ZNF469: variants seen among roughly 807,000 people sequenced by gnomAD.
ZNF469 encodes the protein zinc finger protein 469.
In ZNF469, 1 loss-of-function variant was observed where a neutral mutation model predicts 1.0. The ratio of observed to expected loss-of-function variants is 1.00; its 90% confidence interval spans 0.35 to 4.73. ZNF469 has a LOEUF of 4.73. Among genes scored for constraint, ZNF469 ranks in the 30% most tolerant of loss-of-function variants. The pLI is 0.16. For synonymous variants in ZNF469, 2,703 were observed against 2,363.4 expected (o/e 1.14, Z -4.17); for missense variants, 6,100 against 5,356.3 (o/e 1.14, Z -4.33).
rs576385042 is a variant in ZNF469, at chr16:88,404,821, G to A, written c.-191-19986G>A. Among the ~76,000 whole-genome samples the A allele has an allele frequency of 4.6e-5, 7 of 152,278 alleles. No individual in the cohort carries two copies. In the East Asian group the frequency reaches 5.8e-4, roughly 13 times the overall value. ...CGCACAGCAGACCCAGGACAAAATCGGCACCCAACTGGGTCACCCGTGAAT... is the reference window on the plus strand; with the variant it reads ...CGCACAGCAGACCCAGGACAAAATCAGCACCCAACTGGGTCACCCGTGAAT... On this transcript the variant is annotated intron_variant, in intron 1 of 2. Transcript: ENST00000565624.
the ZNF469 span, among the ~76,000 whole-genome samples, chr16:88,309,033 C>G: frequency 0.64 from 97,505 of 151,998 alleles, 31,354 homozygotes; most frequent in East Asian, 0.74. Flanking sequence ...TTTCCTCTCC[C>G]CTGCCCAGGG....
chr16:88,323,687 A>T, the ZNF469 span, among the ~76,000 whole-genome samples: 1 of 152,082 alleles, frequency 6.6e-6, no homozygotes, highest in Admixed American at 6.5e-5. Flanking sequence ...GCTGCCACTG[A>T]GTGGCAGAAG....
chr16:88,155,492 C>G, the ZNF469 span, among the ~76,000 whole-genome samples: 1 of 152,220 alleles, frequency 6.6e-6, no homozygotes, highest in Admixed American at 6.5e-5. Context: ...CAGCCTCTGG[C>G]AACCAGTCCT....
At chr16:88,210,464 C>T in the ZNF469 span, among the ~76,000 whole-genome samples, 116 of 152,230 alleles carry the variant, frequency 7.6e-4, 2 homozygotes, top group African/African-American at 1.6e-3. Flanking sequence ...GTTTTTATAC[C>T]GTCAAATATA....
chr16:88,292,690 G>A, the ZNF469 span, among the ~76,000 whole-genome samples: 3 of 150,114 alleles, frequency 2.0e-5, no homozygotes, highest in East Asian at 2.0e-4. Flanking sequence ...ATTGTGAAGC[G>A]CCTCCTGCTC....
the ZNF469 span, among the ~76,000 whole-genome samples, chr16:88,131,870 G>A: frequency 8.8e-3 from 1,338 of 152,094 alleles, no homozygotes; most frequent in African/African-American, 0.03. Flanking sequence ...CCCTCCTGGT[G>A]GGTGGCTTGG....
In ZNF469 at chr16:88,423,094, TGATGGATGGATG is replaced by T. The variant is rs1442256724; in HGVS notation, c.-191-1711_-191-1700del. Among the ~76,000 whole-genome samples the T allele has an allele frequency of 2.5e-5, 3 of 121,884 alleles. No homozygotes were observed. The East Asian group carries it at 8.3e-4, about 34-fold the overall frequency. The allele number at this position is 121,884 out of a possible 152,430, so 80.0% of individuals were successfully genotyped here. ...TGGGTAGATAGATGGATGATGATGA[TGATGGATGGATG>T]GGTGGATGGATGGATGGATGGATGG... On this transcript the variant is annotated intron_variant, in intron 1 of 2. Transcript: ENST00000565624.
the ZNF469 span, among the ~76,000 whole-genome samples, chr16:88,157,796 A>G: frequency 1.3e-5 from 2 of 151,660 alleles, no homozygotes; most frequent in Non-Finnish European, 2.9e-5. Flanking sequence ...CCTGTGTGTC[A>G]TTGTTATATG....
At chr16:88,101,909 C>T in the ZNF469 span, among the ~76,000 whole-genome samples, 1 of 152,136 alleles carries the variant, frequency 6.6e-6, no homozygotes, top group African/African-American at 2.4e-5. Context: ...GCTGGGAGGT[C>T]GGCCGCGGGT....
Position 88,438,752 on chromosome 16 carries a change from C to G in ZNF469, c.11282C>G (p.Thr3761Arg). 6.5e-7 allele frequency: 1 copy of G among 1,550,104 alleles called. No homozygotes were observed. Among genetic ancestry groups the G allele is most frequent in the Non-Finnish European group, 8.7e-7 (1 of 1,146,884 alleles). ...QPASGQLQSE[T>R]ATTPAKPSFP... ...GCCAGCGGGCAGCTCCAGAGCGAGA[C>G]AGCCACCACCCCAGCCAAGCCCAGC... The change falls in exon 3 of 3, where the codon ACA becomes AGA. Residue 3761 changes from threonine (T) to arginine (R), a missense_variant. By Grantham distance (71) the Thr-to-Arg change is moderately conservative. Transcript: ENST00000565624.
chr16:88,381,449 T>A (rs1470241173), upstream of ZNF469, among the ~76,000 whole-genome samples: 3 of 151,934 alleles, frequency 2.0e-5, no homozygotes, highest in East Asian at 3.9e-4. Context: ...GGTTTGGAAA[T>A]TGAAGTCTTT....
At chr16:88,234,473 C>T in the ZNF469 span, among the ~76,000 whole-genome samples, 7 of 152,222 alleles carry the variant, frequency 4.6e-5, no homozygotes, top group Non-Finnish European at 8.8e-5. Context: ...GAACCAGAGC[C>T]GGAGCTGGGC....
the ZNF469 span, among the ~76,000 whole-genome samples, chr16:88,119,125 G>A: frequency 2.0e-5 from 3 of 152,178 alleles, no homozygotes; most frequent in Non-Finnish European, 4.4e-5. Context: ...TGAAAATAAC[G>A]TTTGTCCAGT....
rs1436383681 is a variant in ZNF469 at position 88,437,353 on chromosome 16, G to A, written c.9883G>A (p.Ala3295Thr). ...AATPDSASAT[A>T]LADAGSPGPP... ...GACCCCAGACAGCGCCTCTGCCACC[G>A]CCCTGGCTGACGCCGGCAGCCCGGG... The change falls in exon 3 of 3, where the codon GCC becomes ACC. Residue 3295 changes from alanine (A) to threonine (T), a missense_variant. Transcript: ENST00000565624. 1 of 1,543,066 alleles carries A rather than the reference G, an allele frequency of 6.5e-7. No homozygotes were observed. Among genetic ancestry groups the A allele is most frequent in the Non-Finnish European group, 8.7e-7 (1 of 1,143,506 alleles).
chr16:88,168,039 C>T, the ZNF469 span, among the ~76,000 whole-genome samples: 2 of 152,250 alleles, frequency 1.3e-5, no homozygotes, highest in Admixed American at 6.5e-5. The surrounding 1 kb of genome is among the most constrained non-coding windows in gnomAD (Gnocchi z 4.3). Flanking sequence ...ACCCCATGGG[C>T]GTTTCCAGGG....
At chr16:88,208,502 G>A in the ZNF469 span, among the ~76,000 whole-genome samples, 1 of 111,134 alleles carries the variant, frequency 9.0e-6, no homozygotes, top group African/African-American at 3.5e-5. Flanking sequence ...GAGAAAGGGA[G>A]GGAGGAGAGG....
chr16:88,403,419 G>A (rs979516245), intron 1 of ZNF469, among the ~76,000 whole-genome samples: 1 of 152,234 alleles, frequency 6.6e-6, no homozygotes, highest in Non-Finnish European at 1.5e-5. Flanking sequence ...GGACAGTGGT[G>A]GGATTGGGCA....
chr16:88,137,647 G>C, the ZNF469 span, among the ~76,000 whole-genome samples: 2 of 152,256 alleles, frequency 1.3e-5, no homozygotes, highest in Admixed American at 1.3e-4. Context: ...AGCTATGTAT[G>C]CATACCACCA....
intron 1 of ZNF469, among the ~76,000 whole-genome samples, chr16:88,418,566 G>A (rs1212336207): frequency 6.8e-6 from 1 of 146,014 alleles, no homozygotes; most frequent in African/African-American, 2.6e-5. Flanking sequence ...CCACCTCCCT[G>A]TCATTTTCGA....
Sources: gnomAD v4.1 joint callset for allele counts (sites outside exome capture counted in the v4.1 genomes callset) on GRCh38, gnomAD v4.1.1 for gene constraint, Gnocchi (gnomAD v3.1) non-coding constraint, MANE v1.5 for transcripts, NCBI Gene and HGNC (gene_info 2026-07-23, HGNC 2026-07-21) for gene names.